The following SHISA6 variants were observed in gnomAD, a reference collection of about 807,000 sequenced individuals.
SHISA6 encodes shisa family member 6, also known as protein shisa-6.
A neutral mutation model predicts 47.9 loss-of-function variants in SHISA6; 22 were observed. The observed-to-expected ratio is 0.46, with a 90% CI of 0.33 to 0.66. SHISA6 has a LOEUF of 0.66. Ranked by LOEUF, SHISA6 falls within the 30% of genes least tolerant of loss-of-function variation. SHISA6 has a pLI of 0.02. For missense variants in SHISA6, 680 were observed against 764.6 expected (o/e 0.89, Z 1.30); for synonymous variants, 388 against 337.8 (o/e 1.15, Z -1.63).
intron 3 of SHISA6, among the ~76,000 whole-genome samples, chr17:11,452,799 CCT>C (rs959975101): frequency 3.3e-5 from 5 of 150,234 alleles, no homozygotes; most frequent in African/African-American, 4.9e-5. Context: ...CTCCCTTCAT[CCT>C]CTCTTTTTTC....
At chr17:11,525,969 A>G (rs75997744) in intron 3 of SHISA6, among the ~76,000 whole-genome samples, 2,825 of 151,926 alleles carry the variant, frequency 0.019, 92 homozygotes, top group African/African-American at 0.063. Context: ...AGATCATGTC[A>G]CTGCACTCCA....
At chr17:11,256,345 A>G (rs1397196170) in intron 1 of SHISA6, among the ~76,000 whole-genome samples, 1 of 152,062 alleles carries the variant, frequency 6.6e-6, no homozygotes, top group Non-Finnish European at 1.5e-5. Flanking sequence ...AACATACAAA[A>G]AGTAGCTGGG....
intron 3 of SHISA6, among the ~76,000 whole-genome samples, chr17:11,525,166 C>T (rs1186080500): frequency 6.6e-6 from 1 of 152,076 alleles, no homozygotes; most frequent in Non-Finnish European, 1.5e-5. Flanking sequence ...ATTATGTGGC[C>T]CAGGCATCTA....
intron 2 of SHISA6, among the ~76,000 whole-genome samples, chr17:11,378,111 T>C: frequency 6.6e-6 from 1 of 152,186 alleles, no homozygotes; most frequent in East Asian, 1.9e-4. Context: ...ATCCAGAAAG[T>C]GGCATTACAA....
chr17:11,484,341 C>T (rs1280820894), intron 3 of SHISA6, among the ~76,000 whole-genome samples: 1 of 152,160 alleles, frequency 6.6e-6, no homozygotes, highest in Non-Finnish European at 1.5e-5. Context: ...AGAGAAAGAT[C>T]TGCACACACA....
Position 11,561,697 on chromosome 17 carries a change from T to G in SHISA6, c.*3393T>G, listed in dbSNP as rs2072044953. ...CACTCATTCCTTCCTCTCATCTCCC[T>G]CTTCCTCCATCTACCTTCCTCCATT... On this transcript the variant is annotated 3_prime_UTR_variant, in exon 6 of 6. Transcript: ENST00000441885. 1 of 152,240 alleles carries G rather than the reference T, an allele frequency of 6.6e-6. No individual in the cohort carries two copies. Among genetic ancestry groups the G allele is most frequent in the Non-Finnish European group, 1.5e-5 (1 of 68,074 alleles). The allele number at this position is 152,240 out of a possible 1,614,324, so 9.4% of individuals were successfully genotyped here.
intron 3 of SHISA6, among the ~76,000 whole-genome samples, chr17:11,479,511 G>T (rs993011536): frequency 2.0e-5 from 3 of 152,060 alleles, no homozygotes; most frequent in East Asian, 3.9e-4. Flanking sequence ...CCTAATGCCT[G>T]CAGGGCTTAA....
At chr17:11,335,104 G>T (rs559216301) in intron 2 of SHISA6, among the ~76,000 whole-genome samples, 35 of 152,334 alleles carry the variant, frequency 2.3e-4, no homozygotes, top group Non-Finnish European at 4.6e-4. Context: ...TAGAAACAAT[G>T]ACAGTTTTAT....
intron 3 of SHISA6, among the ~76,000 whole-genome samples, chr17:11,509,587 G>A (rs1285919841): frequency 3.3e-5 from 5 of 152,114 alleles, no homozygotes; most frequent in Admixed American, 2.0e-4. Context: ...CTTGACCTCC[G>A]AACCACCTTG....
At chr17:11,299,022 T>G (rs1909838566) in intron 2 of SHISA6, among the ~76,000 whole-genome samples, 1 of 152,212 alleles carries the variant, frequency 6.6e-6, no homozygotes, top group Non-Finnish European at 1.5e-5. Flanking sequence ...CCACTAAAAG[T>G]CATGGCGAAA....
At position 11,241,589 on chromosome 17, in the gene SHISA6, G is replaced by A. The variant is rs981311906; in HGVS notation, c.167G>A (p.Arg56His). 1.1e-5 allele frequency: 13 copies of A among 1,172,270 alleles called. No homozygotes were observed. In the South Asian group the frequency reaches 2.4e-4, roughly 21 times the overall value. 72.6% of individuals were successfully genotyped at this position (1,172,270 alleles called of 1,614,324 possible). Residue 56 changes from arginine to histidine, a missense_variant, in exon 1 of 6, where the codon CGC becomes CAC. Transcript: ENST00000441885. This position sits in a 1 kb window ranked among gnomAD's most constrained non-coding sequence, Gnocchi z 5.5. ...GGGGGCGCCCTGGCACGGGGCGGCC[G>A]CGAGCTGAACGGCACCGCCCGGGCG... ...RAGGALARGG[R>H]ELNGTARAPG...
chr17:11,523,359 G>C (rs1365316179), intron 3 of SHISA6, among the ~76,000 whole-genome samples: 2 of 152,204 alleles, frequency 1.3e-5, no homozygotes, highest in African/African-American at 4.8e-5. Flanking sequence ...AAAGGAATCT[G>C]ACAAAACACC....
At position 11,558,564 on chromosome 17, in the gene SHISA6, G is replaced by T; in HGVS notation, c.*260G>T. On this transcript the variant is annotated 3_prime_UTR_variant, in exon 6 of 6. Transcript: ENST00000441885. ...TCAGTGGGGAGTGAGGAGGGGGCTA[G>T]GCCCCATTCTCACCCCCGACCACCT... The T allele has an allele frequency of 5.7e-6, 3 of 530,402 alleles. No individual in the cohort carries two copies. Among genetic ancestry groups the T allele is most frequent in the Non-Finnish European group, 1.0e-5 (3 of 297,110 alleles). The allele number at this position is 530,402 out of a possible 1,614,324, so 32.9% of individuals were successfully genotyped here.
At chr17:11,298,482 C>G (rs1221390444) in intron 2 of SHISA6, among the ~76,000 whole-genome samples, 9 of 152,188 alleles carry the variant, frequency 5.9e-5, no homozygotes, top group Admixed American at 5.9e-4. Flanking sequence ...AGAAACACAG[C>G]TAGAGCCTGG....
intron 3 of SHISA6, among the ~76,000 whole-genome samples, chr17:11,533,747 C>T (rs1434905305): frequency 6.6e-6 from 1 of 151,924 alleles, no homozygotes; most frequent in Admixed American, 6.6e-5. Flanking sequence ...CACCTGCCAC[C>T]ATGCCTGGCT....
intron 2 of SHISA6, among the ~76,000 whole-genome samples, chr17:11,337,587 A>G (rs990515935): frequency 3.3e-5 from 5 of 152,230 alleles, no homozygotes; most frequent in African/African-American, 1.2e-4. Flanking sequence ...TCATGTAAGC[A>G]CAAAAAGGCA....
At chr17:11,271,663 T>G (rs1213696364) in intron 2 of SHISA6, among the ~76,000 whole-genome samples, 3 of 150,120 alleles carry the variant, frequency 2.0e-5, no homozygotes, top group Non-Finnish European at 2.9e-5. Context: ...TTTCACCATG[T>G]TGGCCAGGCT....
chr17:11,378,120 A>G (rs578216602), intron 2 of SHISA6, among the ~76,000 whole-genome samples: 1 of 152,330 alleles, frequency 6.6e-6, no homozygotes, highest in South Asian at 2.1e-4. Flanking sequence ...GTGGCATTAC[A>G]AAAAATCACG....
chr17:11,461,168 C>T (rs1915679845), intron 3 of SHISA6, among the ~76,000 whole-genome samples: 1 of 152,156 alleles, frequency 6.6e-6, no homozygotes, highest in Non-Finnish European at 1.5e-5. Context: ...GAGGCGGAGG[C>T]AGGCGGATCA....
Sources: gnomAD v4.1 joint callset for allele counts (sites outside exome capture counted in the v4.1 genomes callset) on GRCh38, gnomAD v4.1.1 for gene constraint, Gnocchi (gnomAD v3.1) non-coding constraint, MANE v1.5 for transcripts, NCBI Gene and HGNC (gene_info 2026-07-23, HGNC 2026-07-21) for gene names.